The following SON variants were observed in gnomAD, a reference collection of about 807,000 sequenced individuals.
SON encodes the protein SON DNA and RNA binding protein, also known as protein SON.
Under a neutral mutation model 173.3 loss-of-function variants are expected in SON, and 4 were observed. The observed-to-expected ratio is 0.02, with a 90% CI of 0.01 to 0.05. SON has a LOEUF of 0.05. Ranked by LOEUF, SON falls within the 10% of genes least tolerant of loss-of-function variation. SON has a pLI of 1.00. For synonymous variants in SON, 1,190 were observed against 1,105.9 expected (o/e 1.08, Z -1.51); for missense variants, 2,626 against 3,055.3 (o/e 0.86, Z 3.31).
intron 1 of SON, among the ~76,000 whole-genome samples, chr21:33,545,448 C>G (rs1030126665): frequency 6.6e-6 from 1 of 151,988 alleles, no homozygotes; most frequent in African/African-American, 2.4e-5. Flanking sequence ...CAAACTGTTG[C>G]TGAAAGTATT....
chr21:33,555,808 A>G (rs2085955430), intron 3 of SON, among the ~76,000 whole-genome samples: 1 of 152,230 alleles, frequency 6.6e-6, no homozygotes, highest in African/African-American at 2.4e-5. Flanking sequence ...ATAAGTTAAC[A>G]TATCTTAAAA....
intron 3 of SON, among the ~76,000 whole-genome samples, chr21:33,556,052 T>G (rs1429800040): frequency 6.6e-6 from 1 of 152,252 alleles, no homozygotes; most frequent in African/African-American, 2.4e-5. Context: ...ACTTGATCGA[T>G]ATGAATGATT....
intron 6 of SON, among the ~76,000 whole-genome samples, chr21:33,564,777 T>C (rs1052941333): frequency 6.6e-6 from 1 of 150,574 alleles, no homozygotes; most frequent in Non-Finnish European, 1.5e-5. Flanking sequence ...GGAGAATCAC[T>C]TGAACCCAGG....
chr21:33,551,128 C>A lies in SON; in HGVS notation c.1897C>A (p.Pro633Thr), dbSNP rs1438731699. 1 of 1,613,114 alleles carries A rather than the reference C, an allele frequency of 6.2e-7. No homozygotes were observed. The highest frequency in any genetic ancestry group is 1.3e-5 in the African/African-American group (1 of 74,886). The change falls in exon 3 of 12, where the codon CCA becomes ACA. Residue 633 changes from proline to threonine, a missense_variant. By Grantham distance (38) the Pro-to-Thr change is conservative. Coordinates refer to ENST00000356577, the MANE Select transcript of SON (RefSeq NM_138927.4). ...QPLATGVLELPGQPGAPELPG... is the reference protein window; with the variant it reads ...QPLATGVLELTGQPGAPELPG... Reference sequence around the variant, plus strand: ...TCTGGCAACAGGGGTGCTGGAGTTGCCAGGGCAGCCTGGGGCGCCAGAGTT... The same window carrying A: ...TCTGGCAACAGGGGTGCTGGAGTTGACAGGGCAGCCTGGGGCGCCAGAGTT...
At chr21:33,572,005 T>G (rs1490214446) in intron 8 of SON, 1 of 152,132 alleles carries the variant, frequency 6.6e-6, no homozygotes, top group African/African-American at 2.4e-5. Context: ...AGCATTTAAT[T>G]ACAAAGCTGG....
intron 6 of SON, among the ~76,000 whole-genome samples, chr21:33,561,683 A>G (rs1334129329): frequency 6.6e-6 from 1 of 152,158 alleles, no homozygotes; most frequent in Non-Finnish European, 1.5e-5. Context: ...GCCATTTTCA[A>G]TCTTAACACT....
chr21:33,554,592 AGAT>A lies in SON; in HGVS notation c.5365_5367del (p.Asp1789del). 1 of 1,614,008 alleles carries A rather than the reference AGAT, an allele frequency of 6.2e-7. No individual in the cohort carries two copies. The highest frequency in any genetic ancestry group is 8.5e-7 in the Non-Finnish European group (1 of 1,180,030). ...CTTCAGAGTCTTCTTCAGAGGAAAA[AGAT>A]GATTATGAAATTTTTGTAAAAGTTA... On this transcript the variant is annotated inframe_deletion, in exon 3 of 12. Coordinates refer to ENST00000356577, the MANE Select transcript of SON (RefSeq NM_138927.4).
intron 9 of SON, among the ~76,000 whole-genome samples, 156 bp downstream of exon 9, chr21:33,573,611 C>T (rs771398964): frequency 6.6e-6 from 1 of 152,082 alleles, no homozygotes; most frequent in Non-Finnish European, 1.5e-5. Flanking sequence ...GTTCACAGAG[C>T]AGCTTATTTT....
At chr21:33,572,309 G>A (rs1483238220) in intron 8 of SON, 1 of 164,204 alleles carries the variant, frequency 6.1e-6, no homozygotes, top group African/African-American at 2.4e-5. Flanking sequence ...AAGATCAACA[G>A]TACAACTTAA....
Position 33,550,610 on chromosome 21 carries a change from C to T in SON, c.1379C>T (p.Ser460Phe). ...SQELPGLPAP[S>F]MGLEPPQEVP... is the part of the protein sequence containing the mutation. ...GAATTGCCAGGGCTTCCAGCACCAT[C>T]CATGGGGTTGGAGCCACCACAGGAG... is the stretch of plus-strand genomic sequence containing the variant. Residue 460 changes from serine to phenylalanine, a missense_variant, in exon 3 of 12, where the codon TCC (serine) becomes TTC (phenylalanine). Around this residue, in one of 13 missense-constraint regions of SON, gnomAD observed 757 missense variants for 730.1 expected, o/e 1.04. Transcript: ENST00000356577. 1 of 1,613,858 alleles carries T rather than the reference C, an allele frequency of 6.2e-7. No individual in the cohort carries two copies. Among genetic ancestry groups the T allele is most frequent in the Admixed American group, 1.7e-5 (1 of 60,000 alleles).
intron 6 of SON, chr21:33,560,446 T>C: frequency 9.3e-7 from 1 of 1,072,674 alleles, no homozygotes; most frequent in Non-Finnish European, 1.1e-6. Context: ...ATTCAAACGT[T>C]GAAATTTCCA....
In SON at chr21:33,552,213, A is replaced by G. The variant is rs2085814168; in HGVS notation, c.2982A>G (p.Ala994=). ...YRLAPRPLML[A]SRRSMMMSYA... is the part of the protein sequence containing the mutation. ...TAGCACCTAGACCCCTGATGTTAGC[A>G]TCTAGACGTTCTATGATGATGTCCT... Residue 994 remains alanine, a synonymous_variant, in exon 3 of 12, where the codon GCA becomes GCG. Transcript: ENST00000356577. This position sits in a 1 kb window ranked among gnomAD's most constrained non-coding sequence, Gnocchi z 5.6. 27 of 1,614,162 alleles carry G rather than the reference A, an allele frequency of 1.7e-5. No homozygotes were observed. Among genetic ancestry groups the G allele is most frequent in the Non-Finnish European group, 2.2e-5 (26 of 1,180,006 alleles).
rs758718069 is a variant in SON, at chr21:33,569,091, C to T, written c.6885+4C>T. The T allele has an allele frequency of 1.7e-5, 25 of 1,507,176 alleles. No individual in the cohort carries two copies. The highest frequency in any genetic ancestry group is 3.4e-4 in the Middle Eastern group (2 of 5,882). The allele number at this position is 1,507,176 out of a possible 1,614,324, so 93.4% of individuals were successfully genotyped here. On this transcript the variant is annotated splice_donor_region_variant and intron_variant, in intron 8 of 11. Coordinates refer to ENST00000356577, the MANE Select transcript of SON (RefSeq NM_138927.4). Reference sequence around the variant, plus strand: ...TGCCCAAGCCTGGATTAAAAAGGTACACAGTATATGCACATATGAAAGTGT... The same window carrying T: ...TGCCCAAGCCTGGATTAAAAAGGTATACAGTATATGCACATATGAAAGTGT...
chr21:33,550,750 C>T lies in SON; in HGVS notation c.1519C>T (p.Pro507Ser), dbSNP rs1483869380. 1 of 1,614,154 alleles carries T rather than the reference C, an allele frequency of 6.2e-7. No individual in the cohort carries two copies. The highest frequency in any genetic ancestry group is 1.1e-5 in the South Asian group (1 of 91,082). The change falls in exon 3 of 12, where the codon CCT becomes TCT. Residue 507 changes from proline (P) to serine (S), a missense_variant. Transcript: ENST00000356577. ...AGTAGCAATGGAGTTGACCGAACAACCTGTGACGACGACAGAGTTGGAGCA... is the reference window on the plus strand; with the variant it reads ...AGTAGCAATGGAGTTGACCGAACAATCTGTGACGACGACAGAGTTGGAGCA... ...VTVAMELTEQ[P>S]VTTTELEQPV...
Position 33,575,586 on chromosome 21 carries a change from T to G in SON, c.7034-10T>G, listed in dbSNP as rs377311116. On this transcript the variant is annotated splice_polypyrimidine_tract_variant and intron_variant, in intron 9 of 11. Transcript: ENST00000356577. The stretch of plus-strand genomic sequence containing the variant: ...TTGAAATTTATTTAGTGAACAATTT[T>G]TTTTTAAAGGTCTTGTTGCAGTAGG... 6.2e-7 allele frequency: 1 copy of G among 1,602,278 alleles called. No individual in the cohort carries two copies. The highest frequency in any genetic ancestry group is 1.3e-5 in the African/African-American group (1 of 74,294).
chr21:33,566,022 GA>G (rs1301670531), intron 6 of SON, among the ~76,000 whole-genome samples: 2 of 152,114 alleles, frequency 1.3e-5, no homozygotes, highest in African/African-American at 4.8e-5. Context: ...ATTCTTAAGA[GA>G]AGTCTTTTAT....
chr21:33,566,043 A>C (rs1026223125), intron 6 of SON, among the ~76,000 whole-genome samples: 5 of 152,170 alleles, frequency 3.3e-5, no homozygotes, highest in African/African-American at 1.2e-4. Context: ...TACATGATAC[A>C]TAGTCTTAAT....
rs1433786496 is a variant in SON at position 33,552,569 on chromosome 21, C to G, written c.3338C>G (p.Ser1113Cys). The G allele has an allele frequency of 1.9e-6, 3 of 1,614,128 alleles. No individual in the cohort carries two copies. The highest frequency in any genetic ancestry group is 1.1e-5 in the South Asian group (1 of 91,082). ...MMSSYSAADR[S>C]MMSSYTADRS... Reference sequence around the variant, plus strand: ...TCATCGTACTCTGCAGCTGACCGATCTATGATGTCATCTTATACTGCTGAT... The same window carrying G: ...TCATCGTACTCTGCAGCTGACCGATGTATGATGTCATCTTATACTGCTGAT... The change falls in exon 3 of 12, where the codon TCT (serine) becomes TGT (cysteine). Residue 1113 changes from serine to cysteine, a missense_variant. By Grantham distance (112) the Ser-to-Cys change is moderately radical (BLOSUM62 -1). Around this residue, in one of 13 missense-constraint regions of SON, gnomAD observed 366 missense variants for 448.6 expected, o/e 0.82. Transcript: ENST00000356577. The surrounding 1 kb of genome is among the most constrained non-coding windows in gnomAD (Gnocchi z 5.6).
At chr21:33,557,013 C>CTTTT in intron 3 of SON, 143 bp from the exon 4 acceptor site, 1 of 524,154 alleles carries the variant, frequency 1.9e-6, no homozygotes, top group East Asian at 4.0e-5. Context: ...TAGTTTTTTC[C>CTTTT]TTTTTTTTTT....
Sources: allele counts gnomAD v4.1 joint callset (sites outside exome capture counted in the v4.1 genomes callset), GRCh38; gene constraint gnomAD v4.1.1; regional missense constraint gnomAD v4.1.1; non-coding constraint Gnocchi (gnomAD v3.1); transcripts MANE v1.5; gene names NCBI Gene and HGNC (gene_info 2026-07-23, HGNC 2026-07-21).